The following MTA3 variants were observed in gnomAD, a reference collection of about 807,000 sequenced individuals.
MTA3 encodes metastasis-associated protein MTA3.
A neutral mutation model predicts 83.5 loss-of-function variants in MTA3; 34 were observed. That is an observed-to-expected ratio of 0.41 (90% CI 0.31 to 0.54). The LOEUF is 0.54. MTA3 is among the 20% of genes least tolerant of loss of function. MTA3 has a pLI of 0.33. For synonymous variants in MTA3, 303 were observed against 252.7 expected (o/e 1.20, Z -1.89); for missense variants, 761 against 726.4 (o/e 1.05, Z -0.55).
Position 42,644,209 on chromosome 2 carries a change from G to T in MTA3, c.464G>T (p.Arg155Ile). The T allele has an allele frequency of 6.2e-7, 1 of 1,612,996 alleles. No individual in the cohort carries two copies. The highest frequency in any genetic ancestry group is 8.5e-7 in the Non-Finnish European group (1 of 1,179,442). The change falls in exon 6 of 17, where the codon AGA becomes ATA. Residue 155 changes from arginine (R) to isoleucine (I), a missense_variant. By Grantham distance (97) the Arg-to-Ile change is moderately conservative (BLOSUM62 -3). Transcript: ENST00000405094. ...ADKGEIRVGP[R>I]YQADIPEMLL... Reference sequence around the variant, plus strand: ...AAAGGTGAAATCAGAGTGGGACCTAGATATCAAGCAGACATTCCAGAAATG... The same window carrying T: ...AAAGGTGAAATCAGAGTGGGACCTATATATCAAGCAGACATTCCAGAAATG...
intron 6 of MTA3, among the ~76,000 whole-genome samples, chr2:42,650,507 TC>T (rs746681375): frequency 8.5e-5 from 13 of 152,254 alleles, no homozygotes; most frequent in Non-Finnish European, 1.2e-4. Context: ...TGGCACGATC[TC>T]GGTTCACTGC....
At chr2:42,647,758 T>C (rs1371669772) in intron 6 of MTA3, among the ~76,000 whole-genome samples, 2 of 152,244 alleles carry the variant, frequency 1.3e-5, no homozygotes, top group African/African-American at 2.4e-5. Flanking sequence ...TGAACTCTTA[T>C]TTCAGCCTGA....
In MTA3 at chr2:42,593,977, C is replaced by T. The variant is rs183426277; in HGVS notation, c.190+14777C>T. 2.7e-4 allele frequency among the ~76,000 whole-genome samples: 36 copies of T among 131,890 alleles called. No homozygotes were observed. The East Asian group carries it at 4.0e-3, about 14-fold the overall frequency. 86.5% of individuals were successfully genotyped at this position (131,890 alleles called of 152,430 possible). On this transcript the variant is annotated intron_variant, in intron 3 of 16. Transcript: ENST00000405094. ...TTTTTTTTTTTTTTTTTTTTTGAGA[C>T]GTCTTCTTTTGTCACCCAGGCTAGA...
At chr2:42,648,903 C>T (rs573100487) in intron 6 of MTA3, among the ~76,000 whole-genome samples, 14 of 152,266 alleles carry the variant, frequency 9.2e-5, no homozygotes, top group African/African-American at 3.4e-4. Flanking sequence ...CCTGACTATA[C>T]TATGTTTTAA....
chr2:42,581,382 T>C (rs1348080892), intron 3 of MTA3, among the ~76,000 whole-genome samples: 1 of 145,272 alleles, frequency 6.9e-6, no homozygotes, highest in East Asian at 2.0e-4. Flanking sequence ...TTTTTTTTTT[T>C]TTTCGGAGAC....
intron 14 of MTA3, chr2:42,709,316 T>G (rs527418119): frequency 9.6e-5 from 132 of 1,372,116 alleles, no homozygotes; most frequent in Non-Finnish European, 2.2e-5. Flanking sequence ...TCTGTACTCT[T>G]TACCAGAGAG....
At chr2:42,532,423 G>T (rs1572935902) in intron 2 of MTA3, among the ~76,000 whole-genome samples, 1 of 152,212 alleles carries the variant, frequency 6.6e-6, no homozygotes, top group African/African-American at 2.4e-5. Flanking sequence ...GGCAGGAGAA[G>T]CCCTTCTACC....
intron 4 of MTA3, among the ~76,000 whole-genome samples, chr2:42,627,006 G>T (rs1686171602): frequency 6.6e-6 from 1 of 152,220 alleles, no homozygotes; most frequent in African/African-American, 2.4e-5. Context: ...CTCCCAAAGT[G>T]CTGGGATTAC....
At chr2:42,552,678 G>A (rs868326844) in intron 2 of MTA3, among the ~76,000 whole-genome samples, 8 of 151,852 alleles carry the variant, frequency 5.3e-5, no homozygotes, top group African/African-American at 1.9e-4. Flanking sequence ...AGGGCCAGGC[G>A]TGGTGGCTCA....
Position 42,571,492 on chromosome 2 carries a change from C to T in MTA3, c.96+988C>T, listed in dbSNP as rs139245750. Among the ~76,000 whole-genome samples, 641 of 151,304 alleles carry T rather than the reference C, an allele frequency of 4.2e-3. 6 individuals carry two copies. The highest frequency in any genetic ancestry group is 0.015 in the African/African-American group (621 of 41,206). ...TTGTTACTGAATATTTAAAAGTGTG[C>T]AGATATTTTCAAATTGCTTAGAGCC... On this transcript the variant is annotated intron_variant, in intron 2 of 16. Coordinates refer to ENST00000405094, the MANE Select transcript of MTA3 (RefSeq NM_001330442.2).
chr2:42,643,167 A>G (rs1013593540), intron 5 of MTA3, among the ~76,000 whole-genome samples: 3 of 150,876 alleles, frequency 2.0e-5, no homozygotes, highest in African/African-American at 7.3e-5. Flanking sequence ...TCCCCTTATC[A>G]CAGTATGTAA....
chr2:42,568,827 G>C, intron 1 of MTA3, 54 bp downstream of exon 1: 1 of 1,212,294 alleles, frequency 8.2e-7, no homozygotes, highest in Non-Finnish European at 1.0e-6. Flanking sequence ...CGGGAGCGGG[G>C]GGCCGGGGCG....
At chr2:42,668,510 G>T (rs1202521942) in intron 8 of MTA3, among the ~76,000 whole-genome samples, 1 of 152,134 alleles carries the variant, frequency 6.6e-6, no homozygotes, top group Non-Finnish European at 1.5e-5. Flanking sequence ...ATAATTACTT[G>T]TAAAGTGTTC....
chr2:42,495,074 G>C (rs534958027), intron 1 of MTA3: 2 of 152,832 alleles, frequency 1.3e-5, no homozygotes, highest in East Asian at 3.9e-4. Flanking sequence ...GGGTGGGGTA[G>C]GGTGAGATGC....
In MTA3 at chr2:42,753,425, C is replaced by G; in HGVS notation, c.*26C>G. On this transcript the variant is annotated 3_prime_UTR_variant, in exon 17 of 17. Transcript: ENST00000405094. Reference sequence around the variant, plus strand: ...GCTTTCCCTGATTCATTCTACAATCCAAGACTTGCTGCACTGTCCTGCTGA... The same window carrying G: ...GCTTTCCCTGATTCATTCTACAATCGAAGACTTGCTGCACTGTCCTGCTGA... 3 of 1,550,526 alleles carry G rather than the reference C, an allele frequency of 1.9e-6. No individual in the cohort carries two copies. Among genetic ancestry groups the G allele is most frequent in the Non-Finnish European group, 2.6e-6 (3 of 1,146,930 alleles).
At chr2:42,738,035 G>A (rs1668734765) in intron 16 of MTA3, among the ~76,000 whole-genome samples, 1 of 152,318 alleles carries the variant, frequency 6.6e-6, no homozygotes, top group South Asian at 2.1e-4. Flanking sequence ...GCCAAGGCAG[G>A]CAGATTGCTT....
At chr2:42,516,734 G>A (rs1333462151) in intron 2 of MTA3, among the ~76,000 whole-genome samples, 1 of 152,176 alleles carries the variant, frequency 6.6e-6, no homozygotes, top group Admixed American at 6.6e-5. Flanking sequence ...GAATATTAAA[G>A]TATGCAAAGA....
In MTA3 at chr2:42,507,894, C is replaced by G. The variant is rs183563939; in HGVS notation, c.-141+12640C>G. Among the ~76,000 whole-genome samples the G allele has an allele frequency of 3.1e-4, 47 of 149,980 alleles. No homozygotes were observed. The East Asian group carries it at 9.2e-3, about 30-fold the overall frequency. On this transcript the variant is annotated intron_variant, in intron 2 of 17. Transcript: ENST00000405592. ...TGCAGTGACAGAGGTTGCAGTGAGT[C>G]AAGATCTCGATGCTGCATTCCAGCC... is the stretch of plus-strand genomic sequence containing the variant.
At chr2:42,748,257 G>A (rs1264582179) in intron 16 of MTA3, among the ~76,000 whole-genome samples, 1 of 147,828 alleles carries the variant, frequency 6.8e-6, no homozygotes, top group Non-Finnish European at 1.5e-5. Flanking sequence ...GTAGAGACGG[G>A]GTTTCACCGT....
Sources: gnomAD v4.1 joint callset for allele counts (sites outside exome capture counted in the v4.1 genomes callset) on GRCh38, gnomAD v4.1.1 for gene constraint, MANE v1.5 for transcripts, NCBI Gene and HGNC (gene_info 2026-07-23, HGNC 2026-07-21) for gene names.